The following SCAF11 variants were observed in gnomAD, a reference collection of about 807,000 sequenced individuals.
SCAF11 encodes SR-related CTD associated factor 11, also known as protein SCAF11.
In SCAF11, 47 loss-of-function variants were observed where a neutral mutation model predicts 140.5. That is an observed-to-expected ratio of 0.33 (90% CI 0.26 to 0.43). SCAF11 has a LOEUF of 0.43. Ranked by LOEUF, SCAF11 falls within the 20% of genes least tolerant of loss-of-function variation. The pLI is 1.00. For missense variants in SCAF11, 1,645 were observed against 1,705.1 expected (o/e 0.96, Z 0.62); for synonymous variants, 557 against 579.4 (o/e 0.96, Z 0.55).
chr12:45,921,855 G>A lies in SCAF11; in HGVS notation c.*193C>T. On this transcript the variant is annotated 3_prime_UTR_variant, in exon 15 of 15. Transcript: ENST00000369367. ...CTTGAATTTTGTGGGGGAGGGTGGA[G>A]GGGAAGGAAGGATACAGAAGTTGCA... is the stretch of plus-strand genomic sequence containing the variant. The A allele has an allele frequency of 3.5e-6, 2 of 576,646 alleles. No homozygotes were observed. Among genetic ancestry groups the A allele is most frequent in the Non-Finnish European group, 2.9e-6 (1 of 340,826 alleles). The allele number at this position is 576,646 out of a possible 1,614,324, so 35.7% of individuals were successfully genotyped here.
rs760454235 is a variant in SCAF11 at position 45,927,343 on chromosome 12, C to G, written c.2358G>C (p.Lys786Asn). The change falls in exon 11 of 15, where the codon AAG becomes AAC. Residue 786 changes from lysine to asparagine, a missense_variant. This residue lies in a region of SCAF11 where 1,582 missense variants were observed against 1,609.2 expected (regional missense o/e 0.98). Transcript: ENST00000369367. Reference protein sequence around the residue: ...SPKDTIDKTKKPRTRRSRFHS... With the variant: ...SPKDTIDKTKNPRTRRSRFHS... ...GAAATCTAGATCTTCGAGTACGAGG[C>G]TTTTTGGTTTTATCTATGGTATCTT... 1 of 1,613,944 alleles carries G rather than the reference C, an allele frequency of 6.2e-7. No individual in the cohort carries two copies. The highest frequency in any genetic ancestry group is 1.1e-5 in the South Asian group (1 of 91,056).
chr12:45,976,263 C>T lies in SCAF11; in HGVS notation c.-21-12075G>A, dbSNP rs1946230277. Among the ~76,000 whole-genome samples, 3 of 152,134 alleles carry T rather than the reference C, an allele frequency of 2.0e-5. No individual in the cohort carries two copies. The South Asian group carries it at 6.2e-4, about 31-fold the overall frequency. On this transcript the variant is annotated intron_variant, in intron 1 of 14. Transcript: ENST00000369367. ...TAATTCTTAGAGCTACCACTAAAAA[C>T]ATTAGTCAACGTCTTGTGTCGTTCC...
intron 12 of SCAF11, 91 bp from the exon 13 acceptor site, chr12:45,923,245 A>G (rs188494768): frequency 1.0e-4 from 114 of 1,112,484 alleles, no homozygotes; most frequent in Admixed American, 1.0e-4. Context: ...AAAAAACACA[A>G]AGCAAACCAA....
chr12:45,927,296 G>T lies in SCAF11; in HGVS notation c.2405C>A (p.Ser802Ter). The part of the protein sequence containing the change: ...SRFHSPSTTW[S>*]PNKDTPQEKK... ...TTCTTGTGGAGTGTCTTTGTTGGGT[G>T]ACCAAGTTGTAGATGGAGAATGAAA... The change falls in exon 11 of 15, where the codon TCA (serine) becomes TAA (stop). Residue 802 changes from serine (S) to a stop codon, truncating the protein, a stop_gained. Coordinates refer to ENST00000369367, the MANE Select transcript of SCAF11 (RefSeq NM_004719.3). LOFTEE classifies it high-confidence loss of function. 6.2e-7 allele frequency: 1 copy of T among 1,614,004 alleles called. No individual in the cohort carries two copies. Among genetic ancestry groups the T allele is most frequent in the South Asian group, 1.1e-5 (1 of 91,054 alleles).
intron 10 of SCAF11, among the ~76,000 whole-genome samples, chr12:45,930,456 G>GTTT (rs35174436): frequency 3.1e-5 from 4 of 130,678 alleles, no homozygotes; most frequent in African/African-American, 5.7e-5. Flanking sequence ...TTTTTTTTTT[G>GTTT]TTTTTTTTTT....
In SCAF11 at chr12:45,928,364, C is replaced by G; in HGVS notation, c.1337G>C (p.Cys446Ser). The change falls in exon 11 of 15, where the codon TGC becomes TCC. Residue 446 changes from cysteine (C) to serine (S), a missense_variant. This residue lies in a region of SCAF11 where 1,582 missense variants were observed against 1,609.2 expected (regional missense o/e 0.98). Coordinates refer to ENST00000369367, the MANE Select transcript of SCAF11 (RefSeq NM_004719.3). ...TATTTGCTCATTGCAACTTTTCAAGCAATTAGCAGACTGGTTTTCTACATG... is the reference window on the plus strand; with the variant it reads ...TATTTGCTCATTGCAACTTTTCAAGGAATTAGCAGACTGGTTTTCTACATG... ...QTHVENQSAN[C>S]LKSCNEQIEE... The G allele has an allele frequency of 6.2e-7, 1 of 1,614,096 alleles. No homozygotes were observed. The highest frequency in any genetic ancestry group is 8.5e-7 in the Non-Finnish European group (1 of 1,179,996).
chr12:45,984,077 G>A (rs2136668999), intron 1 of SCAF11, among the ~76,000 whole-genome samples: 1 of 152,248 alleles, frequency 6.6e-6, no homozygotes, highest in Admixed American at 6.5e-5. Flanking sequence ...GGAGGCATTG[G>A]AGCCCAAGTT....
rs977210232 is a variant in SCAF11 at position 45,989,862 on chromosome 12, CAA to C, written c.-22+489_-22+490del. On this transcript the variant is annotated intron_variant, in intron 1 of 14. Coordinates refer to ENST00000369367, the MANE Select transcript of SCAF11 (RefSeq NM_004719.3). ...ACTAGCGGGCTTGGACGCTCGCGAC[CAA>C]AGTCTCCCAAGAAAAGCCGACACCG... is the stretch of plus-strand genomic sequence containing the variant. Among the ~76,000 whole-genome samples, 6 of 152,304 alleles carry C rather than the reference CAA, an allele frequency of 3.9e-5. No individual in the cohort carries two copies. In the South Asian group the frequency reaches 1.0e-3, roughly 26 times the overall value.
At chr12:45,986,373 T>C (rs1946458673) in intron 1 of SCAF11, among the ~76,000 whole-genome samples, 1 of 152,150 alleles carries the variant, frequency 6.6e-6, no homozygotes, top group South Asian at 2.1e-4. Flanking sequence ...TTCAATCTAT[T>C]AACTAAGGCC....
intron 10 of SCAF11, 102 bp from the exon 11 acceptor site, chr12:45,928,961 A>G: frequency 1.7e-6 from 1 of 585,710 alleles, no homozygotes; most frequent in East Asian, 3.2e-5. Flanking sequence ...AACAGAGTGA[A>G]ACTAAATACT....
intron 6 of SCAF11, among the ~76,000 whole-genome samples, chr12:45,942,858 G>A (rs1013237432): frequency 3.9e-5 from 6 of 151,960 alleles, no homozygotes; most frequent in East Asian, 1.9e-4. Flanking sequence ...TTATATTTGC[G>A]TTTGTCTACG....
intron 1 of SCAF11, among the ~76,000 whole-genome samples, chr12:45,969,365 T>C (rs1167382045): frequency 6.6e-6 from 1 of 152,192 alleles, no homozygotes; most frequent in Middle Eastern, 3.2e-3. Flanking sequence ...GTCTGTTTCT[T>C]TCTGCTGTTA....
In SCAF11 at chr12:45,926,143, C is replaced by T. The variant is rs754540868; in HGVS notation, c.3558G>A (p.Gln1186=). The part of the protein sequence containing the change: ...WMKQEEETSG[Q]DSSLKDQTNQ... ...AATAAACCAACAAGAATACATTACC[C>T]TGTCCAGATGTTTCCTCCTCTTGTT... The change falls in exon 11 of 15, where the codon CAG becomes CAA. Residue 1186 remains glutamine (Q), a splice_region_variant and synonymous_variant. Coordinates refer to ENST00000369367, the MANE Select transcript of SCAF11 (RefSeq NM_004719.3). 50 of 1,605,426 alleles carry T rather than the reference C, an allele frequency of 3.1e-5. No individual in the cohort carries two copies. Among genetic ancestry groups the T allele is most frequent in the Non-Finnish European group, 4.3e-5 (50 of 1,174,642 alleles).
chr12:45,932,815 G>A (rs1251801570), intron 9 of SCAF11, among the ~76,000 whole-genome samples: 1 of 152,110 alleles, frequency 6.6e-6, no homozygotes. Flanking sequence ...GGTAAGACTG[G>A]AATGGGAGAA....
intron 1 of SCAF11, among the ~76,000 whole-genome samples, chr12:45,964,995 A>G (rs999113566): frequency 5.2e-4 from 79 of 152,044 alleles, no homozygotes; most frequent in Admixed American, 1.1e-3. Context: ...TCTACTGAGG[A>G]GGGGGTTGGC....
At chr12:45,965,147 A>T (rs1472666170) in intron 1 of SCAF11, among the ~76,000 whole-genome samples, 4 of 152,256 alleles carry the variant, frequency 2.6e-5, no homozygotes, top group South Asian at 2.1e-4. Flanking sequence ...TACAAATTCT[A>T]TGAAGAAGAG....
At chr12:45,984,876 G>A (rs1216169870) in intron 1 of SCAF11, among the ~76,000 whole-genome samples, 1 of 152,106 alleles carries the variant, frequency 6.6e-6, no homozygotes, top group African/African-American at 2.4e-5. Flanking sequence ...TGTATTTTTA[G>A]TAGAGACAGG....
intron 8 of SCAF11, among the ~76,000 whole-genome samples, chr12:45,933,958 T>G (rs78207461): frequency 0.014 from 2,063 of 152,230 alleles, 48 homozygotes; most frequent in African/African-American, 0.047. Context: ...CACACTGGCA[T>G]AGGCAATCAC....
chr12:45,936,345 T>C (rs143526998), intron 6 of SCAF11, among the ~76,000 whole-genome samples: 3 of 152,182 alleles, frequency 2.0e-5, no homozygotes, highest in African/African-American at 4.8e-5. Flanking sequence ...TTTCACCATA[T>C]TGGTGAGGCT....
Sources: gnomAD v4.1 joint callset for allele counts (sites outside exome capture counted in the v4.1 genomes callset) on GRCh38, gnomAD v4.1.1 for gene constraint, gnomAD v4.1.1 regional missense constraint, MANE v1.5 for transcripts, NCBI Gene and HGNC (gene_info 2026-07-23, HGNC 2026-07-21) for gene names.